The following MAGI3 variants were observed in gnomAD, a reference collection of about 807,000 sequenced individuals.
The protein encoded by MAGI3 is membrane-associated guanylate kinase, WW and PDZ domain-containing protein 3.
Under a neutral mutation model 121.8 loss-of-function variants are expected in MAGI3, and 43 were observed. The ratio of observed to expected loss-of-function variants is 0.35; its 90% CI spans 0.28 to 0.46. MAGI3 has a LOEUF of 0.46. MAGI3 is among the 20% of genes least tolerant of loss of function. MAGI3 has a pLI of 1.00. For synonymous variants in MAGI3, 553 were observed against 639.3 expected, an observed-to-expected ratio of 0.86 and a Z score of 2.04; for missense variants, 1,547 against 1,797.3, an observed-to-expected ratio of 0.86 and a Z score of 2.52.
chr1:113,663,809 C>T (rs1167314410), intron 16 of MAGI3, among the ~76,000 whole-genome samples: 1 of 152,132 alleles, frequency 6.6e-6, no homozygotes, highest in East Asian at 1.9e-4. Flanking sequence ...CTTTTATATT[C>T]CCACCAGCAA....
chr1:113,457,974 A>G (rs1475064612), intron 1 of MAGI3, among the ~76,000 whole-genome samples: 1 of 152,240 alleles, frequency 6.6e-6, no homozygotes, highest in East Asian at 1.9e-4. Context: ...GCTGAAGAAC[A>G]GTGAACTAAG....
intron 1 of MAGI3, among the ~76,000 whole-genome samples, chr1:113,538,501 A>T (rs1345193375): frequency 6.6e-6 from 1 of 152,234 alleles, no homozygotes; most frequent in Non-Finnish European, 1.5e-5. Context: ...CACAAAGAAA[A>T]AATTGTAAAT....
chr1:113,457,332 CAT>C (rs1298921301), intron 1 of MAGI3, among the ~76,000 whole-genome samples: 2 of 152,182 alleles, frequency 1.3e-5, no homozygotes, highest in African/African-American at 4.8e-5. Flanking sequence ...GCAGAGCCAT[CAT>C]TATCTCTTTT....
At chr1:113,560,591 C>T (rs535814022) in intron 2 of MAGI3, among the ~76,000 whole-genome samples, 111 of 152,190 alleles carry the variant, frequency 7.3e-4, no homozygotes, top group African/African-American at 2.5e-3. Flanking sequence ...GACAACACAT[C>T]AGAATCTCTG....
chr1:113,672,896 A>G (rs1359079039), intron 18 of MAGI3, among the ~76,000 whole-genome samples, 155 bp downstream of exon 18: 1 of 152,258 alleles, frequency 6.6e-6, no homozygotes, highest in African/African-American at 2.4e-5. Context: ...GCTGGCATTC[A>G]TAGGAGAATG....
chr1:113,619,802 A>G lies in MAGI3; in HGVS notation c.1143A>G (p.Gly381=). The change falls in exon 8 of 21, where the codon GGA becomes GGG. Residue 381 remains glycine, a synonymous_variant. Transcript: ENST00000307546. ...VEEAKRKKQL[G]QVEIGSSKPD... The stretch of plus-strand genomic sequence containing the variant: ...AAGCCAAAAGGAAAAAGCAGTTAGG[A>G]CAGGTTGAAATTGGGTCTTCAAAAC... 2.5e-6 allele frequency: 4 copies of G among 1,613,312 alleles called. No homozygotes were observed. Among genetic ancestry groups the G allele is most frequent in the Non-Finnish European group, 3.4e-6 (4 of 1,179,456 alleles).
chr1:113,482,812 C>T (rs1394311767), intron 1 of MAGI3, among the ~76,000 whole-genome samples: 1 of 145,916 alleles, frequency 6.9e-6, no homozygotes, highest in Admixed American at 6.9e-5. Flanking sequence ...TAAGATCCCC[C>T]TTTTTTTTTT....
intron 1 of MAGI3, among the ~76,000 whole-genome samples, chr1:113,454,143 T>G (rs1233669456): frequency 1.3e-5 from 2 of 152,212 alleles, no homozygotes; most frequent in African/African-American, 4.8e-5. Context: ...TTTATGTAGA[T>G]GAAATTCAAA....
chr1:113,646,856 C>T (rs1652879637), intron 12 of MAGI3, among the ~76,000 whole-genome samples: 1 of 152,018 alleles, frequency 6.6e-6, no homozygotes, highest in Admixed American at 6.6e-5. Context: ...TACCAGATGC[C>T]ATACTAGGTA....
At chr1:113,492,712 A>G (rs1482495054) in intron 1 of MAGI3, among the ~76,000 whole-genome samples, 1 of 152,178 alleles carries the variant, frequency 6.6e-6, no homozygotes, top group Non-Finnish European at 1.5e-5. Context: ...CAGGATACAA[A>G]ATCAATGTGT....
intron 1 of MAGI3, among the ~76,000 whole-genome samples, chr1:113,490,714 G>C (rs1395082633): frequency 6.6e-6 from 1 of 152,102 alleles, no homozygotes; most frequent in African/African-American, 2.4e-5. Flanking sequence ...GAAAAAAGCA[G>C]GGGTTGCAAT....
intron 9 of MAGI3, among the ~76,000 whole-genome samples, chr1:113,636,024 G>T (rs539252835): frequency 6.6e-6 from 1 of 152,086 alleles, no homozygotes; most frequent in Non-Finnish European, 1.5e-5. Flanking sequence ...AGAGGTGTTT[G>T]TAGTATTCTC....
Position 113,549,612 on chromosome 1 carries a change from C to A in MAGI3, c.414C>A (p.Leu138=). 6.3e-7 allele frequency: 1 copy of A among 1,590,992 alleles called. No homozygotes were observed. The highest frequency in any genetic ancestry group is 8.6e-7 in the Non-Finnish European group (1 of 1,164,802). Residue 138 remains leucine, a synonymous_variant, in exon 2 of 21, where the codon CTC becomes CTA. Transcript: ENST00000307546. The part of the protein sequence containing the change: ...HKLQQVIRDN[L]YLRTIPCTTR... ...TGCAGCAAGTGATCAGAGATAATCT[C>A]TACTTGAGAACCATTCCATGTAAGT...
intron 10 of MAGI3, among the ~76,000 whole-genome samples, chr1:113,643,236 CTT>C (rs1302297384): frequency 2.4e-4 from 37 of 152,326 alleles, no homozygotes; most frequent in African/African-American, 7.5e-4. Context: ...ATAAAAGCCA[CTT>C]ACTCTTTTAT....
At chr1:113,419,534 G>T (rs931741922) in intron 1 of MAGI3, among the ~76,000 whole-genome samples, 1 of 152,148 alleles carries the variant, frequency 6.6e-6, no homozygotes, top group Non-Finnish European at 1.5e-5. Flanking sequence ...GAGAGAAAGT[G>T]TAAGAGGCTC....
At chr1:113,588,570 G>A (rs1648521157) in intron 4 of MAGI3, among the ~76,000 whole-genome samples, 1 of 152,128 alleles carries the variant, frequency 6.6e-6, no homozygotes, top group African/African-American at 2.4e-5. Context: ...GGCTTATTGT[G>A]ACTACTGTAT....
chr1:113,532,228 T>A (rs1658762478), intron 1 of MAGI3, among the ~76,000 whole-genome samples: 1 of 152,122 alleles, frequency 6.6e-6, no homozygotes, highest in Admixed American at 6.5e-5. Context: ...TATATTCATT[T>A]TATAGAGTCA....
chr1:113,414,664 G>C (rs1406235224), intron 1 of MAGI3, among the ~76,000 whole-genome samples: 1 of 151,872 alleles, frequency 6.6e-6, no homozygotes, highest in Non-Finnish European at 1.5e-5. Flanking sequence ...TTTGCGTACA[G>C]GTGTTCATAG....
intron 5 of MAGI3, among the ~76,000 whole-genome samples, chr1:113,591,955 G>A (rs2101737249): frequency 6.6e-6 from 1 of 152,134 alleles, no homozygotes; most frequent in East Asian, 1.9e-4. Flanking sequence ...AGATCTAAAT[G>A]TAAGACCTGA....
Sources: allele counts gnomAD v4.1 joint callset (sites outside exome capture counted in the v4.1 genomes callset), GRCh38; gene constraint gnomAD v4.1.1; transcripts MANE v1.5; gene names NCBI Gene and HGNC (gene_info 2026-07-23, HGNC 2026-07-21).